The following MTDH variants were observed in gnomAD, a reference collection of about 807,000 sequenced individuals.
The protein encoded by MTDH is protein LYRIC.
A neutral mutation model predicts 72.7 loss-of-function variants in MTDH; 34 were observed. The observed-to-expected ratio is 0.47, with a 90% confidence interval of 0.36 to 0.62. The LOEUF (loss-of-function observed/expected upper bound fraction) is 0.62, where lower values mean the gene tolerates loss of function less well. MTDH is among the 20% of genes least tolerant of loss of function. The probability of loss-of-function intolerance (pLI) is 0.00; values close to 1 mark genes in which losing one functional copy is unlikely to be tolerated. For missense variants in MTDH, 677 were observed against 699.4 expected (o/e 0.97, Z 0.36); for synonymous variants, 266 against 268.9 (o/e 0.99, Z 0.10).
At chr8:97,694,294 T>C (rs1586255251) in intron 6 of MTDH, among the ~76,000 whole-genome samples, 1 of 150,126 alleles carries the variant, frequency 6.7e-6, no homozygotes, top group African/African-American at 2.5e-5. Context: ...GCCTCTCGGG[T>C]TCAAGCAATT....
intron 1 of MTDH, among the ~76,000 whole-genome samples, chr8:97,652,187 T>C (rs756287513): frequency 1.3e-5 from 2 of 152,222 alleles, no homozygotes; most frequent in Non-Finnish European, 2.9e-5. Context: ...ACTTAGTAGC[T>C]TTTGCATTTA....
chr8:97,645,843 CAG>C (rs1378588794), intron 1 of MTDH, among the ~76,000 whole-genome samples: 1 of 152,122 alleles, frequency 6.6e-6, no homozygotes, highest in Non-Finnish European at 1.5e-5. Context: ...GGAGGGTATG[CAG>C]AGTTAGAAAC....
chr8:97,710,358 A>G (rs1366249052), intron 8 of MTDH, among the ~76,000 whole-genome samples: 1 of 152,162 alleles, frequency 6.6e-6, no homozygotes, highest in Non-Finnish European at 1.5e-5. Flanking sequence ...ATTTTTCCAT[A>G]GAAAGTTAAA....
chr8:97,654,574 A>G (rs184715694), intron 1 of MTDH, among the ~76,000 whole-genome samples: 9 of 148,804 alleles, frequency 6.0e-5, no homozygotes, highest in African/African-American at 2.0e-4. Context: ...TTTTAATTAT[A>G]CTTTAAGTTC....
chr8:97,659,754 A>G (rs1308295406), intron 1 of MTDH, among the ~76,000 whole-genome samples: 1 of 152,232 alleles, frequency 6.6e-6, no homozygotes, highest in Non-Finnish European at 1.5e-5. Context: ...AGGGGAATGC[A>G]TAAGTGAAAA....
In MTDH at chr8:97,661,145, C is replaced by T; in HGVS notation, c.455C>T (p.Pro152Leu). 6.2e-7 allele frequency: 1 copy of T among 1,612,042 alleles called. No homozygotes were observed. Among genetic ancestry groups the T allele is most frequent in the Non-Finnish European group, 8.5e-7 (1 of 1,178,988 alleles). Reference protein sequence around the residue: ...RTPQSVTAKQPPEIDKKNEKS... With the variant: ...RTPQSVTAKQLPEIDKKNEKS... ...CCTCAAAGTGTAACAGCAAAGCAGC[C>T]ACCAGAGATTGACAAGAAAAATGAA... Residue 152 changes from proline (P) to leucine (L), a missense_variant, in exon 2 of 12, where the codon CCA becomes CTA. Transcript: ENST00000336273.
rs1815230078 is a variant in MTDH, at chr8:97,723,648, C to G, written c.1678+613C>G. 8.0e-5 allele frequency among the ~76,000 whole-genome samples: 12 copies of G among 150,374 alleles called. No individual in the cohort carries two copies. In the Admixed American group the frequency reaches 8.0e-4, roughly 10 times the overall value. ...GTCCCAGCTACTCGGGAGGCTGAGG[C>G]AGGAGAATGGCGTGAACCCGGGAGG... On this transcript the variant is annotated intron_variant, in intron 11 of 11. Coordinates refer to ENST00000336273, the MANE Select transcript of MTDH (RefSeq NM_178812.4).
rs371720312 is a variant in MTDH at position 97,723,279 on chromosome 8, T to A, written c.1678+244T>A. Among the ~76,000 whole-genome samples, 353 of 150,914 alleles carry A rather than the reference T, an allele frequency of 2.3e-3. 16 individuals are homozygous for A. In the South Asian group the frequency reaches 0.072, roughly 31 times the overall value. ...CAGGTGTGGCGGCGGGTGCCTGTAGTCCCAGCTACTCGGGAGGCTGAGGCA... is the reference window on the plus strand; with the variant it reads ...CAGGTGTGGCGGCGGGTGCCTGTAGACCCAGCTACTCGGGAGGCTGAGGCA... On this transcript the variant is annotated intron_variant, in intron 11 of 11. Transcript: ENST00000336273.
At chr8:97,724,200 G>T (rs2131094604) in intron 11 of MTDH, among the ~76,000 whole-genome samples, 1 of 152,292 alleles carries the variant, frequency 6.6e-6, no homozygotes, top group Middle Eastern at 3.4e-3. Flanking sequence ...GCTTGTCTAT[G>T]TGGTCCCTCT....
Position 97,688,930 on chromosome 8 carries a change from G to A in MTDH, c.746-108G>A, listed in dbSNP as rs1361711726. ...GTGGAAGAATTTAGCACTTGAAGGAGCAATTTATAATAGATAATAATTAAA... is the reference window on the plus strand; with the variant it reads ...GTGGAAGAATTTAGCACTTGAAGGAACAATTTATAATAGATAATAATTAAA... On this transcript the variant is annotated intron_variant, in intron 4 of 11. Coordinates refer to ENST00000336273, the MANE Select transcript of MTDH (RefSeq NM_178812.4). 33 of 445,508 alleles carry A rather than the reference G, an allele frequency of 7.4e-5. 1 individual carries two copies. The East Asian group carries it at 1.2e-3, about 17-fold the overall frequency. The allele number at this position is 445,508 out of a possible 1,614,324, so 27.6% of individuals were successfully genotyped here.
Position 97,691,064 on chromosome 8 carries a change from A to G in MTDH, c.924A>G (p.Ser308=), listed in dbSNP as rs1813587097. The G allele has an allele frequency of 1.2e-6, 2 of 1,614,004 alleles. No homozygotes were observed. The highest frequency in any genetic ancestry group is 1.7e-5 in the Admixed American group (1 of 59,992). ...GTGAGGAGAAGTGGAACTCCGTTTC[A>G]CCTGCTTCTGCAGGAAAGAGGAAAA... ...SAGEEKWNSV[S]PASAGKRKTE... Residue 308 remains serine (S), a synonymous_variant, in exon 6 of 12, where the codon TCA becomes TCG. Coordinates refer to ENST00000336273, the MANE Select transcript of MTDH (RefSeq NM_178812.4).
chr8:97,687,647 C>G (rs1813420093), intron 4 of MTDH, 42 bp downstream of exon 4: 1 of 1,457,972 alleles, frequency 6.9e-7, no homozygotes, highest in Non-Finnish European at 9.2e-7. Context: ...TCAAATCAAA[C>G]TCCTTTTATT....
intron 2 of MTDH, among the ~76,000 whole-genome samples, chr8:97,685,950 A>G (rs1361928243): frequency 1.3e-5 from 2 of 152,192 alleles, no homozygotes; most frequent in Non-Finnish European, 2.9e-5. Flanking sequence ...GAATAATATT[A>G]GGAGAAGGGA....
chr8:97,709,305 T>A (rs2131056174), intron 8 of MTDH, among the ~76,000 whole-genome samples: 1 of 149,798 alleles, frequency 6.7e-6, no homozygotes, highest in South Asian at 2.1e-4. Flanking sequence ...GGGAAAGGGG[T>A]TTTAGATTGG....
chr8:97,649,518 G>C (rs531651965), intron 1 of MTDH, among the ~76,000 whole-genome samples: 5 of 152,212 alleles, frequency 3.3e-5, no homozygotes, highest in South Asian at 4.1e-4. Context: ...CCTACCTTAG[G>C]CTTGTCTCTC....
intron 2 of MTDH, among the ~76,000 whole-genome samples, chr8:97,662,458 C>T (rs1812210979): frequency 6.6e-6 from 1 of 151,554 alleles, no homozygotes; most frequent in Non-Finnish European, 1.5e-5. Context: ...AACCACAGTG[C>T]AGCAGCTCTA....
At chr8:97,699,039 A>G (rs1318618324) in intron 6 of MTDH, among the ~76,000 whole-genome samples, 1 of 152,086 alleles carries the variant, frequency 6.6e-6, no homozygotes, top group Non-Finnish European at 1.5e-5. Flanking sequence ...TAATCCCAGC[A>G]CTTTGGGAGG....
chr8:97,680,118 G>C (rs944483970), intron 2 of MTDH, among the ~76,000 whole-genome samples: 2 of 152,124 alleles, frequency 1.3e-5, no homozygotes, highest in African/African-American at 2.4e-5. Flanking sequence ...TGTCGCCCAA[G>C]CTGGAGTGCA....
In MTDH at chr8:97,674,333, A is replaced by C. The variant is rs748622998; in HGVS notation, c.484-12335A>C. 2.6e-5 allele frequency among the ~76,000 whole-genome samples: 4 copies of C among 152,244 alleles called. No individual in the cohort carries two copies. The South Asian group carries it at 6.2e-4, about 24-fold the overall frequency. On this transcript the variant is annotated intron_variant, in intron 2 of 11. Transcript: ENST00000336273. ...AGTTAAACCCCACCAAAAGGGGGGA[A>C]ATCAATTGCAGACTTTTCTACTCTT...
Sources: allele counts gnomAD v4.1 joint callset (sites outside exome capture counted in the v4.1 genomes callset), GRCh38; gene constraint gnomAD v4.1.1; transcripts MANE v1.5; gene names NCBI Gene and HGNC (gene_info 2026-07-23, HGNC 2026-07-21).